CLIC5: variants seen among roughly 807,000 people sequenced by gnomAD.
CLIC5 encodes the protein chloride intracellular channel protein 5.
CLIC5 carries 20 observed loss-of-function variants against 24.7 expected under a neutral mutation model. The ratio of observed to expected loss-of-function variants is 0.81; its 90% CI spans 0.57 to 1.18. The LOEUF is 1.18. Among genes scored for constraint, CLIC5 ranks in the 50% most tolerant of loss-of-function variants. The pLI is 0.00. For synonymous variants in CLIC5, 159 were observed against 135.6 expected (o/e 1.17, Z -1.20); for missense variants, 341 against 326.1 (o/e 1.05, Z -0.35).
chr6:46,126,124 G>T, the CLIC5 span, among the ~76,000 whole-genome samples: 1 of 152,130 alleles, frequency 6.6e-6, no homozygotes, highest in Non-Finnish European at 1.5e-5. Context: ...AAGATAGCTG[G>T]CACCTTAGGA....
At chr6:45,936,280 C>A (rs569168636) in intron 4 of CLIC5, among the ~76,000 whole-genome samples, 1 of 145,710 alleles carries the variant, frequency 6.9e-6, no homozygotes, top group Non-Finnish European at 1.5e-5. Flanking sequence ...TCTCGGCTCA[C>A]TGCAACCTCC....
chr6:46,071,050 CTTT>C (rs1229163339), intron 1 of CLIC5, among the ~76,000 whole-genome samples: 1 of 152,106 alleles, frequency 6.6e-6, no homozygotes, highest in Non-Finnish European at 1.5e-5. Flanking sequence ...TGGACCCCTT[CTTT>C]ATTTCATATA....
At chr6:45,887,616 CAG>C (rs1476573026) in intron 6 of CLIC5, among the ~76,000 whole-genome samples, 2 of 152,186 alleles carry the variant, frequency 1.3e-5, no homozygotes, top group South Asian at 2.1e-4. Context: ...TATGAAAAAA[CAG>C]AGTCACCATC....
At chr6:46,124,515 G>A in the CLIC5 span, among the ~76,000 whole-genome samples, 1 of 152,154 alleles carries the variant, frequency 6.6e-6, no homozygotes, top group Admixed American at 6.5e-5. Context: ...CATAGGCATG[G>A]GCAAGGACTT....
At chr6:45,985,127 G>T (rs367876713) in intron 1 of CLIC5, among the ~76,000 whole-genome samples, 58 of 152,204 alleles carry the variant, frequency 3.8e-4, no homozygotes, top group South Asian at 1.9e-3. Context: ...CCCTGGCAAA[G>T]GGGGTAAGGA....
chr6:46,037,120 G>T (rs998478558), intron 1 of CLIC5, among the ~76,000 whole-genome samples: 1 of 151,982 alleles, frequency 6.6e-6, no homozygotes, highest in African/African-American at 2.4e-5. Flanking sequence ...CATATCCAAG[G>T]ACCTTCATCA....
Position 46,059,302 on chromosome 6 carries a change from T to C in CLIC5, c.540+20401A>G, listed in dbSNP as rs1762171313. 2.0e-5 allele frequency among the ~76,000 whole-genome samples: 3 copies of C among 152,214 alleles called. No homozygotes were observed. In the South Asian group the frequency reaches 6.2e-4, roughly 31 times the overall value. On this transcript the variant is annotated intron_variant, in intron 1 of 5. Transcript: ENST00000185206. ...AAGACCAAGGCCACATTGCATACGG[T>C]TGTACACAAATTAGAAATATAAGTG...
At chr6:46,121,629 A>G in the CLIC5 span, among the ~76,000 whole-genome samples, 1 of 152,256 alleles carries the variant, frequency 6.6e-6, no homozygotes, top group Non-Finnish European at 1.5e-5. Context: ...TAAAAGACAC[A>G]GACTGGCAAA....
At chr6:46,045,756 A>AT (rs1767936959) in intron 1 of CLIC5, among the ~76,000 whole-genome samples, 1 of 152,162 alleles carries the variant, frequency 6.6e-6, no homozygotes. Flanking sequence ...CAAATTATAA[A>AT]TATTTTTTAT....
intron 1 of CLIC5, among the ~76,000 whole-genome samples, chr6:46,044,330 C>T (rs547163524): frequency 3.2e-4 from 48 of 152,042 alleles, no homozygotes; most frequent in East Asian, 2.7e-3. Flanking sequence ...GGCTCTTTTC[C>T]GAGAGTAGTA....
chr6:46,061,181 T>G (rs1762260265), intron 1 of CLIC5, among the ~76,000 whole-genome samples: 1 of 151,916 alleles, frequency 6.6e-6, no homozygotes, highest in Admixed American at 6.6e-5. Flanking sequence ...TTGTTTTTGT[T>G]TTTGTTTGTT....
rs574704457 is a variant in CLIC5 at position 45,917,756 on chromosome 6, T to A, written c.407-3347A>T. On this transcript the variant is annotated intron_variant, in intron 4 of 5. Coordinates refer to ENST00000339561, the MANE Select transcript of CLIC5 (RefSeq NM_016929.5). The stretch of plus-strand genomic sequence containing the variant: ...TGACCCTGGCTCAATCTGCCATCCA[T>A]AGAATTTAATGATCTCTTTTGACTG... Among the ~76,000 whole-genome samples the A allele has an allele frequency of 3.9e-4, 59 of 152,338 alleles. 2 individuals are homozygous for A. The South Asian group carries it at 0.012, about 31-fold the overall frequency.
intron 1 of CLIC5, among the ~76,000 whole-genome samples, chr6:46,077,246 A>C (rs1235169879): frequency 2.0e-5 from 3 of 152,190 alleles, no homozygotes; most frequent in Non-Finnish European, 4.4e-5. Context: ...CCTCAATAAA[A>C]TGTTGGTTAA....
At chr6:46,076,503 G>A (rs1442045972) in intron 1 of CLIC5, among the ~76,000 whole-genome samples, 1 of 152,186 alleles carries the variant, frequency 6.6e-6, no homozygotes, top group East Asian at 1.9e-4. Flanking sequence ...AACAGGGCGA[G>A]AAGAGGTGAT....
At chr6:46,061,975 C>T (rs910050042) in intron 1 of CLIC5, among the ~76,000 whole-genome samples, 7 of 152,206 alleles carry the variant, frequency 4.6e-5, no homozygotes, top group Non-Finnish European at 8.8e-5. Context: ...ATAGCACTGT[C>T]CTACAGAATG....
At chr6:45,973,925 T>C (rs1199563041) in intron 1 of CLIC5, among the ~76,000 whole-genome samples, 4 of 121,398 alleles carry the variant, frequency 3.3e-5, no homozygotes, top group African/African-American at 1.6e-4. Context: ...CAAGACTCCA[T>C]CTCAAAAAAA....
chr6:45,889,817 A>T (rs147825756), intron 6 of CLIC5, among the ~76,000 whole-genome samples: 1 of 152,212 alleles, frequency 6.6e-6, no homozygotes, highest in South Asian at 2.1e-4. Flanking sequence ...TTTCTTACAC[A>T]TGTTCAAAGA....
At chr6:46,068,070 AC>A (rs1352903938) in intron 1 of CLIC5, among the ~76,000 whole-genome samples, 1 of 152,164 alleles carries the variant, frequency 6.6e-6, no homozygotes, top group Non-Finnish European at 1.5e-5. Flanking sequence ...GGAAACAGAT[AC>A]AGGAACACCA....
intron 4 of CLIC5, among the ~76,000 whole-genome samples, chr6:45,924,777 A>ATT (rs1273929868): frequency 1.3e-5 from 2 of 151,948 alleles, no homozygotes; most frequent in African/African-American, 2.4e-5. Flanking sequence ...ATATATATAT[A>ATT]TTTTCAGGGT....
Sources: allele counts gnomAD v4.1 joint callset (sites outside exome capture counted in the v4.1 genomes callset), GRCh38; gene constraint gnomAD v4.1.1; transcripts MANE v1.5; gene names NCBI Gene and HGNC (gene_info 2026-07-23, HGNC 2026-07-21).